PPP1R8: variants seen among roughly 807,000 people sequenced by gnomAD.
PPP1R8 encodes protein phosphatase 1 regulatory subunit 8, also known as nuclear inhibitor of protein phosphatase 1.
Under a neutral mutation model 31.3 loss-of-function variants are expected in PPP1R8, and 4 were observed. That is an observed-to-expected ratio of 0.13 (90% CI 0.06 to 0.29). The LOEUF is 0.29. Ranked by LOEUF, PPP1R8 falls within the 10% of genes least tolerant of loss-of-function variation. The pLI is 1.00. For synonymous variants in PPP1R8, 170 were observed against 169.7 expected (o/e 1.00, Z -0.01); for missense variants, 254 against 440.1 (o/e 0.58, Z 3.78).
At position 27,851,333 on chromosome 1, in the gene PPP1R8, C is replaced by A; in HGVS notation, c.*887C>A. 3.2e-6 allele frequency: 1 copy of A among 308,440 alleles called. No individual in the cohort carries two copies. The highest frequency in any genetic ancestry group is 2.8e-5 in the South Asian group (1 of 35,702). The allele number at this position is 308,440 out of a possible 1,614,324, so 19.1% of individuals were successfully genotyped here. A position where few individuals can be genotyped will look rare whatever the true frequency, so the allele number is the denominator to read the frequency against. ...ATGTCAGTTTGGAGGCTCTTTCCCC[C>A]CTCAATTGAGAGCTCTTGTTATTCA... On this transcript the variant is annotated 3_prime_UTR_variant, in exon 7 of 7. Transcript: ENST00000311772.
intron 5 of PPP1R8, among the ~76,000 whole-genome samples, chr1:27,845,845 A>C (rs1429942622): frequency 7.9e-6 from 1 of 127,288 alleles, no homozygotes; most frequent in Non-Finnish European, 1.5e-5. Context: ...GCTGGAGTGC[A>C]GTGGCGTGAT....
At chr1:27,841,788 T>G (rs911995672) in intron 4 of PPP1R8, among the ~76,000 whole-genome samples, 16 of 152,212 alleles carry the variant, frequency 1.1e-4, no homozygotes, top group Admixed American at 9.2e-4. Context: ...ACTGCTTTTG[T>G]TCTTCCATGG....
In PPP1R8 at chr1:27,850,570, C is replaced by T. The variant is rs1294815683; in HGVS notation, c.*124C>T. 1.2e-6 allele frequency: 1 copy of T among 853,714 alleles called. No homozygotes were observed. Among genetic ancestry groups the T allele is most frequent in the East Asian group, 2.7e-5 (1 of 37,404 alleles). 52.9% of individuals were successfully genotyped at this position (853,714 alleles called of 1,614,324 possible). ...TATCGTCTTTCAGAATGTCTCCTGGCATCCTAACCATGTAATATGACAATT... is the reference window on the plus strand; with the variant it reads ...TATCGTCTTTCAGAATGTCTCCTGGTATCCTAACCATGTAATATGACAATT... On this transcript the variant is annotated 3_prime_UTR_variant, in exon 7 of 7. Transcript: ENST00000311772.
chr1:27,842,863 C>A (rs532808329), intron 4 of PPP1R8, among the ~76,000 whole-genome samples: 1 of 152,174 alleles, frequency 6.6e-6, no homozygotes, highest in African/African-American at 2.4e-5. Flanking sequence ...GACATGATAG[C>A]CTTTCTTCAG....
chr1:27,850,026 C>A, intron 6 of PPP1R8, 67 bp from the exon 7 acceptor site: 1 of 1,410,566 alleles, frequency 7.1e-7, no homozygotes, highest in South Asian at 1.5e-5. Context: ...AAAAAGCTAA[C>A]CACTCTTGGG....
At chr1:27,845,639 C>T (rs929066874) in intron 5 of PPP1R8, among the ~76,000 whole-genome samples, 1 of 151,844 alleles carries the variant, frequency 6.6e-6, no homozygotes, top group African/African-American at 2.4e-5. Context: ...CCAGAGTGTC[C>T]TCTTTAAAGG....
intron 1 of PPP1R8, 125 bp from the exon 2 acceptor site, chr1:27,832,631 A>T (rs1397551606): frequency 1.0e-5 from 7 of 701,402 alleles, no homozygotes; most frequent in Non-Finnish European, 1.6e-5. Flanking sequence ...AGTGGATGAC[A>T]TTTCTGCTTG....
chr1:27,833,279 AT>A (rs1453088713), intron 2 of PPP1R8, among the ~76,000 whole-genome samples: 4 of 152,214 alleles, frequency 2.6e-5, no homozygotes, highest in African/African-American at 9.6e-5. Flanking sequence ...TTGTGGTGAA[AT>A]TCATTAATTG....
At chr1:27,834,172 A>C (rs894410641) in intron 2 of PPP1R8, among the ~76,000 whole-genome samples, 2 of 152,226 alleles carry the variant, frequency 1.3e-5, no homozygotes, top group African/African-American at 2.4e-5. Context: ...CCTAGTCTTA[A>C]TGATAACATC....
chr1:27,849,201 G>A (rs1359319961), intron 6 of PPP1R8, among the ~76,000 whole-genome samples: 2 of 151,972 alleles, frequency 1.3e-5, no homozygotes, highest in East Asian at 1.9e-4. Context: ...GAGAAACCCT[G>A]TCTCTACTAA....
At position 27,830,864 on chromosome 1, in the gene PPP1R8, G is replaced by T. The variant is rs376720713; in HGVS notation, c.29G>T (p.Ser10Ile). ...GCGGCAGCCGCGAACTCCGGCTCTA[G>T]CCTCCCGCTGTTCGACTGCCCAACC... MAAAANSGS[S>I]LPLFDCPTWA... Residue 10 changes from serine (S) to isoleucine (I), a missense_variant, in exon 1 of 7, where the codon AGC becomes ATC. Around this residue, in one of 6 missense-constraint regions of PPP1R8, gnomAD observed 38 missense variants for 18.6 expected, o/e 2.04. Transcript: ENST00000311772. 49 of 1,574,316 alleles carry T rather than the reference G, an allele frequency of 3.1e-5. No individual in the cohort carries two copies. In the African/African-American group the frequency reaches 3.5e-4, roughly 11 times the overall value.
In PPP1R8 at chr1:27,830,821, A is replaced by AG. The variant is rs1443020678; in HGVS notation, c.-10dup. 3 of 1,571,978 alleles carry AG rather than the reference A, an allele frequency of 1.9e-6. No homozygotes were observed. Among genetic ancestry groups the AG allele is most frequent in the African/African-American group, 2.7e-5 (2 of 73,852 alleles). On this transcript the variant is annotated 5_prime_UTR_variant, in exon 1 of 7. Coordinates refer to ENST00000311772, the MANE Select transcript of PPP1R8 (RefSeq NM_014110.5). ...GCGTGCTTAGGGCGCGCCAAATGGG[A>AG]GGGGGAGACGCAAGATGGCGGCAGC... is the stretch of plus-strand genomic sequence containing the variant.
chr1:27,842,601 A>G (rs1171635221), intron 4 of PPP1R8, among the ~76,000 whole-genome samples: 1 of 152,186 alleles, frequency 6.6e-6, no homozygotes, highest in Admixed American at 6.5e-5. Context: ...GAGGCAAGCA[A>G]CAGAGCTAAG....
At chr1:27,843,989 T>A (rs1419972145) in intron 5 of PPP1R8, among the ~76,000 whole-genome samples, 1 of 152,182 alleles carries the variant, frequency 6.6e-6, no homozygotes, top group African/African-American at 2.4e-5. Flanking sequence ...GAAATTTATA[T>A]GTTTTTTAAT....
At chr1:27,848,780 T>C (rs570324045) in intron 6 of PPP1R8, among the ~76,000 whole-genome samples, 1 of 152,208 alleles carries the variant, frequency 6.6e-6, no homozygotes, top group Non-Finnish European at 1.5e-5. Flanking sequence ...CTTGAGCTTT[T>C]TTGTTTGTTT....
At chr1:27,837,391 A>G (rs1275145725) in intron 2 of PPP1R8, among the ~76,000 whole-genome samples, 2 of 150,956 alleles carry the variant, frequency 1.3e-5, no homozygotes, top group African/African-American at 4.9e-5. Flanking sequence ...AGATCACGCC[A>G]CTGCACTCCA....
chr1:27,841,354 T>C (rs549430908), intron 4 of PPP1R8, 120 bp downstream of exon 4: 2 of 1,026,274 alleles, frequency 1.9e-6, no homozygotes, highest in Middle Eastern at 3.2e-4. Flanking sequence ...TTGAGTCCAG[T>C]AATGGGCCTT....
In PPP1R8 at chr1:27,850,440, G is replaced by T; in HGVS notation, c.1050G>T (p.Leu350=). 1 of 751,324 alleles carries T rather than the reference G, an allele frequency of 1.3e-6. No homozygotes were observed. The highest frequency in any genetic ancestry group is 1.4e-5 in the South Asian group (1 of 73,600). 46.5% of individuals were successfully genotyped at this position (751,324 alleles called of 1,614,324 possible). ...WPGKKPTPSL[L]I Reference sequence around the variant, plus strand: ...GCAAGAAGCCCACACCTTCCTTGCTGATTTGATATTTTTGGTCATGGAGAA... The same window carrying T: ...GCAAGAAGCCCACACCTTCCTTGCTTATTTGATATTTTTGGTCATGGAGAA... The change falls in exon 7 of 7, where the codon CTG becomes CTT. Residue 350 remains leucine (L), a synonymous_variant. Transcript: ENST00000311772.
chr1:27,832,828 C>G lies in PPP1R8; in HGVS notation c.117+12C>G. ...ACAAACTAATTGAGGTATGGAAATA[C>G]ATGTCTTACTTTTTTGGCTGCCACA... is the stretch of plus-strand genomic sequence containing the variant. On this transcript the variant is annotated intron_variant, in intron 2 of 6. Coordinates refer to ENST00000311772, the MANE Select transcript of PPP1R8 (RefSeq NM_014110.5). 2 of 1,599,578 alleles carry G rather than the reference C, an allele frequency of 1.3e-6. No individual in the cohort carries two copies. The highest frequency in any genetic ancestry group is 2.3e-5 in the South Asian group (2 of 88,882).
Sources: allele counts gnomAD v4.1 joint callset (sites outside exome capture counted in the v4.1 genomes callset), GRCh38; gene constraint gnomAD v4.1.1; regional missense constraint gnomAD v4.1.1; transcripts MANE v1.5; gene names NCBI Gene and HGNC (gene_info 2026-07-23, HGNC 2026-07-21).